Variants in MALT1 observed in about 807,000 individuals in gnomAD.
The protein encoded by MALT1 is MALT1 paracaspase, also known as mucosa-associated lymphoid tissue lymphoma translocation protein 1.
Under a neutral mutation model 85.5 loss-of-function variants are expected in MALT1, and 36 were observed. The ratio of observed to expected loss-of-function variants is 0.42; its 90% CI spans 0.32 to 0.56. The LOEUF (loss-of-function observed/expected upper bound fraction) is 0.56, where lower values mean the gene tolerates loss of function less well. Among genes scored for constraint, MALT1 ranks in the 20% least tolerant of loss-of-function variants. The pLI, the probability that MALT1 is intolerant of heterozygous loss-of-function variation, is 0.10. For synonymous variants in MALT1, 359 were observed against 361.3 expected (o/e 0.99, Z 0.07); for missense variants, 716 against 981.6 (o/e 0.73, Z 3.62).
intron 2 of MALT1, among the ~76,000 whole-genome samples, chr18:58,693,919 A>G (rs1006854327): frequency 6.6e-6 from 1 of 152,242 alleles, no homozygotes; most frequent in African/African-American, 2.4e-5. Context: ...TTCCTGTCAC[A>G]TCGAAACTTG....
At chr18:58,734,051 A>AT (rs1057367857) in intron 11 of MALT1, 1 of 1,287,740 alleles carries the variant, frequency 7.8e-7, no homozygotes, top group Non-Finnish European at 9.9e-7. Context: ...TAGATTTACT[A>AT]TTTTTTTGCT....
intron 16 of MALT1, among the ~76,000 whole-genome samples, chr18:58,746,185 T>C (rs1278930963): frequency 6.6e-6 from 1 of 152,092 alleles, no homozygotes; most frequent in Non-Finnish European, 1.5e-5. Flanking sequence ...ACCCAGCTAA[T>C]TTTTTAAAAC....
At chr18:58,684,691 C>T (rs1026105296) in intron 2 of MALT1, among the ~76,000 whole-genome samples, 2 of 152,036 alleles carry the variant, frequency 1.3e-5, no homozygotes, top group Non-Finnish European at 2.9e-5. Context: ...GGTCATCCAC[C>T]CACCTCGGCC....
chr18:58,678,218 T>C (rs1036087280), intron 1 of MALT1, among the ~76,000 whole-genome samples: 2 of 152,190 alleles, frequency 1.3e-5, no homozygotes, highest in Non-Finnish European at 2.9e-5. Flanking sequence ...ACAGTATAAA[T>C]GCTATGACAG....
chr18:58,684,747 A>G (rs774618844), intron 2 of MALT1, among the ~76,000 whole-genome samples: 1 of 152,160 alleles, frequency 6.6e-6, no homozygotes, highest in African/African-American at 2.4e-5. Flanking sequence ...CGCCCAGCCA[A>G]CTTACTCTAT....
At chr18:58,694,237 C>A (rs921144258) in intron 2 of MALT1, among the ~76,000 whole-genome samples, 4 of 152,190 alleles carry the variant, frequency 2.6e-5, no homozygotes, top group African/African-American at 7.2e-5. Context: ...CTTCTCGAGG[C>A]CCTCAAATGT....
intron 10 of MALT1, 89 bp downstream of exon 10, chr18:58,723,340 T>TTC (rs2055010248): frequency 1.1e-6 from 1 of 931,716 alleles, no homozygotes; most frequent in Non-Finnish European, 1.6e-6. Flanking sequence ...CAGATAAAGA[T>TTC]AAGGTAAACA....
chr18:58,722,559 CTT>C (rs1164294436), intron 9 of MALT1, among the ~76,000 whole-genome samples: 3 of 150,746 alleles, frequency 2.0e-5, no homozygotes, highest in African/African-American at 7.4e-5. Flanking sequence ...TTCTCTCTCT[CTT>C]TGATATTTCC....
intron 10 of MALT1, among the ~76,000 whole-genome samples, chr18:58,726,328 C>G (rs550914269): frequency 1.4e-4 from 22 of 152,264 alleles, no homozygotes; most frequent in Admixed American, 4.6e-4. Flanking sequence ...CACATCTACA[C>G]TAAATGTAAG....
chr18:58,692,064 AAAAAG>A (rs1287098906), intron 2 of MALT1: 4 of 154,242 alleles, frequency 2.6e-5, no homozygotes, highest in African/African-American at 9.7e-5. Flanking sequence ...AAAAAAAAAA[AAAAAG>A]AGGGTGGTTG....
chr18:58,693,249 C>T (rs758936519), intron 2 of MALT1, among the ~76,000 whole-genome samples: 1 of 151,984 alleles, frequency 6.6e-6, no homozygotes, highest in Non-Finnish European at 1.5e-5. Context: ...GGTGAAACCC[C>T]GTCTTTGCAA....
chr18:58,733,329 T>C (rs1423493685), intron 10 of MALT1, 68 bp from the exon 11 acceptor site: 5 of 1,011,120 alleles, frequency 4.9e-6, no homozygotes, highest in African/African-American at 1.6e-5. Flanking sequence ...CAAAAAGTTA[T>C]GCAGTCTGTA....
rs557463691 is a variant in MALT1, at chr18:58,696,557, G to A, written c.498+70G>A. The A allele has an allele frequency of 3.6e-3, 4,538 of 1,264,346 alleles. 14 individuals are homozygous for A. The highest frequency in any genetic ancestry group is 4.4e-3 in the Non-Finnish European group (4,068 of 933,342). 78.3% of individuals were successfully genotyped at this position (1,264,346 alleles called of 1,614,324 possible). ...TGATAGAGAATTAATTAACATTATC[G>A]TCCTAAATGTAGTTTTAACAGTTTG... On this transcript the variant is annotated intron_variant, in intron 3 of 16. Transcript: ENST00000649217.
At chr18:58,706,898 C>G (rs73451212) in intron 4 of MALT1, among the ~76,000 whole-genome samples, 4,134 of 152,188 alleles carry the variant, frequency 0.027, 158 homozygotes, top group African/African-American at 0.093. Context: ...TGTAAGTTAT[C>G]TTTCATCGAT....
At chr18:58,732,686 G>T (rs9963281) in intron 10 of MALT1, among the ~76,000 whole-genome samples, 36,518 of 151,096 alleles carry the variant, frequency 0.24, 4,467 homozygotes, top group Middle Eastern at 0.34. Context: ...ATAAATAAAT[G>T]TAAGACTATC....
chr18:58,750,602 C>CA lies in MALT1; in HGVS notation c.*2762dup, dbSNP rs2055433962. 1 of 152,148 alleles carries CA rather than the reference C, an allele frequency of 6.6e-6. No individual in the cohort carries two copies. The highest frequency in any genetic ancestry group is 2.1e-4 in the South Asian group (1 of 4,826). 9.4% of individuals were successfully genotyped at this position (152,148 alleles called of 1,614,324 possible). ...CATACATTTCTGGTCAACTTGTTTT[C>CA]AACAAGGATGCCAATACCATCAATA... On this transcript the variant is annotated 3_prime_UTR_variant, in exon 17 of 17. Coordinates refer to ENST00000649217, the MANE Select transcript of MALT1 (RefSeq NM_006785.4).
chr18:58,732,254 T>C (rs567898060), intron 10 of MALT1, among the ~76,000 whole-genome samples: 6 of 152,312 alleles, frequency 3.9e-5, no homozygotes, highest in South Asian at 2.1e-4. Context: ...TCTTCAAAAG[T>C]GTTTTGTCCA....
intron 13 of MALT1, among the ~76,000 whole-genome samples, chr18:58,737,623 C>T (rs1192358399): frequency 6.6e-6 from 1 of 152,116 alleles, no homozygotes; most frequent in Admixed American, 6.6e-5. Flanking sequence ...GTCTCTGTCG[C>T]GCAGGCTAGA....
At chr18:58,675,087 C>G (rs2144295036) in intron 1 of MALT1, among the ~76,000 whole-genome samples, 1 of 152,218 alleles carries the variant, frequency 6.6e-6, no homozygotes, top group East Asian at 1.9e-4. Context: ...AGACCCGGCC[C>G]TGATTCCATT....
Sources: gnomAD v4.1 joint callset for allele counts (sites outside exome capture counted in the v4.1 genomes callset) on GRCh38, gnomAD v4.1.1 for gene constraint, MANE v1.5 for transcripts, NCBI Gene and HGNC (gene_info 2026-07-23, HGNC 2026-07-21) for gene names.